The following LMO7 variants were observed in gnomAD, a reference collection of about 807,000 sequenced individuals.
LMO7 encodes LIM domain 7, also known as LIM domain only protein 7.
A neutral mutation model predicts 206.5 loss-of-function variants in LMO7; 120 were observed. The observed-to-expected ratio is 0.58, with a 90% CI of 0.50 to 0.68. The LOEUF (loss-of-function observed/expected upper bound fraction) is 0.68. Ranked by LOEUF, LMO7 falls within the 30% of genes least tolerant of loss-of-function variation. LMO7 has a pLI of 0.00. For missense variants in LMO7, 1,959 were observed against 1,957.9 expected (o/e 1.00, Z -0.01); for synonymous variants, 706 against 681.5 (o/e 1.04, Z -0.56).
rs948096149 is a variant in LMO7 at position 75,858,883 on chromosome 13, G to A, written c.*940G>A. Reference sequence around the variant, plus strand: ...TTCGAAACTATGCCACAGTCTGGATGTGTTTACTGAAACATTTTAATAAGG... The same window carrying A: ...TTCGAAACTATGCCACAGTCTGGATATGTTTACTGAAACATTTTAATAAGG... On this transcript the variant is annotated 3_prime_UTR_variant, in exon 31 of 31. Transcript: ENST00000377534. 2 of 152,138 alleles carry A rather than the reference G, an allele frequency of 1.3e-5. No homozygotes were observed. Among genetic ancestry groups the A allele is most frequent in the African/African-American group, 4.8e-5 (2 of 41,442 alleles). 9.4% of individuals were successfully genotyped at this position (152,138 alleles called of 1,614,324 possible). A position where few individuals can be genotyped will look rare whatever the true frequency, so the allele number is the denominator to read the frequency against.
chr13:75,736,858 G>A (rs569542094), intron 3 of LMO7, among the ~76,000 whole-genome samples: 1 of 152,260 alleles, frequency 6.6e-6, no homozygotes, highest in Admixed American at 6.5e-5. Flanking sequence ...AGCCATTTTT[G>A]TGTTCACAGC....
At chr13:75,804,764 G>T in intron 8 of LMO7, 1 of 1,049,718 alleles carries the variant, frequency 9.5e-7, no homozygotes, top group Non-Finnish European at 1.2e-6. Context: ...TTTTTTAGAT[G>T]CATGACTTCA....
In LMO7 at chr13:75,797,366, A is replaced by G. The variant is rs545415155; in HGVS notation, c.462+617A>G. On this transcript the variant is annotated intron_variant, in intron 6 of 30. Coordinates refer to ENST00000377534, the MANE Select transcript of LMO7 (RefSeq NM_001306080.2). Reference sequence around the variant, plus strand: ...ACAGCCTTTTGAATGCTTGAGGATCATTTGCAGAGAGCCAAGTGCCAGGAC... The same window carrying G: ...ACAGCCTTTTGAATGCTTGAGGATCGTTTGCAGAGAGCCAAGTGCCAGGAC... Among the ~76,000 whole-genome samples, 19 of 152,328 alleles carry G rather than the reference A, an allele frequency of 1.2e-4. No homozygotes were observed. The South Asian group carries it at 1.5e-3, about 12-fold the overall frequency.
At chr13:75,823,436 T>C in intron 14 of LMO7, 129 bp from the exon 15 acceptor site, 1 of 719,800 alleles carries the variant, frequency 1.4e-6, no homozygotes, top group Non-Finnish European at 2.2e-6. Flanking sequence ...GCCCAAGCTT[T>C]TAGCAATAGT....
chr13:75,655,402 C>G (rs2037962754), intron 1 of LMO7, among the ~76,000 whole-genome samples: 1 of 152,012 alleles, frequency 6.6e-6, no homozygotes, highest in Non-Finnish European at 1.5e-5. Flanking sequence ...TTCTTCAACA[C>G]AAAATGTCAG....
chr13:75,839,339 C>A (rs2059392736), intron 20 of LMO7, among the ~76,000 whole-genome samples: 1 of 152,034 alleles, frequency 6.6e-6, no homozygotes, highest in Non-Finnish European at 1.5e-5. Context: ...GGTCTCAAAG[C>A]AATTTTATTT....
At chr13:75,781,888 C>T (rs2051510779) in intron 4 of LMO7, among the ~76,000 whole-genome samples, 1 of 152,160 alleles carries the variant, frequency 6.6e-6, no homozygotes, top group Non-Finnish European at 1.5e-5. Flanking sequence ...TGATGATGAG[C>T]ATTTTTTCAT....
Position 75,823,711 on chromosome 13 carries a change from A to T in LMO7, c.2787A>T (p.Glu929Asp), listed in dbSNP as rs1163664936. Residue 929 changes from glutamate (E) to aspartate (D), a missense_variant, in exon 15 of 31, where the codon GAA (glutamate) becomes GAT (aspartate). Glu to Asp is a conservative substitution (Grantham distance 45). Transcript: ENST00000377534. ...SSQKEVAATE[E>D]DVTRLPSPTS... ...AGAAAGAGGTAGCAGCAACAGAAGA[A>T]GATGTGACAAGGCTGCCCTCTCCTA... 1.9e-6 allele frequency: 3 copies of T among 1,614,012 alleles called. No homozygotes were observed. The highest frequency in any genetic ancestry group is 1.7e-5 in the Admixed American group (1 of 60,000).
At chr13:75,634,265 C>G (rs1240402812), upstream of LMO7, among the ~76,000 whole-genome samples, 3 of 151,818 alleles carry the variant, frequency 2.0e-5, no homozygotes, top group Non-Finnish European at 2.9e-5. Flanking sequence ...AGTGAGACCC[C>G]TCTCTCTACA....
chr13:75,784,397 TG>T (rs1424829236), intron 4 of LMO7, among the ~76,000 whole-genome samples: 2 of 152,184 alleles, frequency 1.3e-5, no homozygotes, highest in Admixed American at 1.3e-4. Flanking sequence ...CTTGAGGGTT[TG>T]GAATCTCATT....
At chr13:75,713,322 T>C (rs1594456140) in intron 2 of LMO7, 70 bp downstream of exon 2, 4 of 1,143,896 alleles carry the variant, frequency 3.5e-6, no homozygotes, top group East Asian at 2.5e-5. Flanking sequence ...GATGAGGTGT[T>C]TGGCTCCTCC....
At chr13:75,782,396 T>C (rs930425623) in intron 4 of LMO7, among the ~76,000 whole-genome samples, 2 of 152,234 alleles carry the variant, frequency 1.3e-5, no homozygotes, top group Admixed American at 1.3e-4. Context: ...AGGTGACTTC[T>C]GGAAAATTGC....
intron 1 of LMO7, among the ~76,000 whole-genome samples, chr13:75,654,184 G>A (rs766880061): frequency 4.6e-5 from 7 of 152,212 alleles, no homozygotes; most frequent in Non-Finnish European, 1.0e-4. Context: ...TTACAAATCT[G>A]TAGGAGACTC....
chr13:75,681,249 T>G (rs1199408962), intron 1 of LMO7, among the ~76,000 whole-genome samples: 1 of 152,202 alleles, frequency 6.6e-6, no homozygotes, highest in African/African-American at 2.4e-5. Flanking sequence ...GTCTATGTCC[T>G]GAATGGTATT....
intron 1 of LMO7, among the ~76,000 whole-genome samples, chr13:75,702,266 C>T (rs2042334031): frequency 6.6e-6 from 1 of 152,142 alleles, no homozygotes; most frequent in Non-Finnish European, 1.5e-5. Flanking sequence ...CCTTCTGGCT[C>T]TGTGAAGACT....
In LMO7 at chr13:75,841,173, A is replaced by T; in HGVS notation, c.3647A>T (p.Glu1216Val). 6.2e-7 allele frequency: 1 copy of T among 1,613,018 alleles called. No individual in the cohort carries two copies. The highest frequency in any genetic ancestry group is 8.5e-7 in the Non-Finnish European group (1 of 1,179,058). The change falls in exon 23 of 31, where the codon GAG becomes GTG. Residue 1216 changes from glutamate to valine, a missense_variant. Coordinates refer to ENST00000377534, the MANE Select transcript of LMO7 (RefSeq NM_001306080.2). ...EEWQRAKQEAERENSKYLDEE... is the reference protein window; with the variant it reads ...EEWQRAKQEAVRENSKYLDEE... ...TGGCAAAGGGCCAAACAGGAGGCAG[A>T]GAGAGAGAATTCCAAGTACTTGGAT...
At chr13:75,735,647 T>G (rs959744109) in intron 3 of LMO7, among the ~76,000 whole-genome samples, 2 of 149,260 alleles carry the variant, frequency 1.3e-5, no homozygotes, top group Non-Finnish European at 1.5e-5. Context: ...TTTTTTTGTA[T>G]TTTTTTTTAG....
chr13:75,828,809 C>T (rs947706025), intron 15 of LMO7, among the ~76,000 whole-genome samples: 2 of 151,964 alleles, frequency 1.3e-5, no homozygotes, highest in African/African-American at 4.8e-5. Flanking sequence ...GGGAGGGTGG[C>T]AAAGATGGGG....
chr13:75,733,837 T>A (rs2045533669), intron 3 of LMO7, among the ~76,000 whole-genome samples: 1 of 152,242 alleles, frequency 6.6e-6, no homozygotes, highest in Non-Finnish European at 1.5e-5. Context: ...CTTCATATGT[T>A]TCCTTTCCTG....
Sources: allele counts gnomAD v4.1 joint callset (sites outside exome capture counted in the v4.1 genomes callset), GRCh38; gene constraint gnomAD v4.1.1; transcripts MANE v1.5; gene names NCBI Gene and HGNC (gene_info 2026-07-23, HGNC 2026-07-21).